Variants in P3H1 observed in about 807,000 individuals in gnomAD.
P3H1 encodes the protein prolyl 3-hydroxylase 1.
In P3H1, 69 loss-of-function variants were observed where a neutral mutation model predicts 84.0. That is an observed-to-expected ratio of 0.82 (90% CI 0.68 to 1.00). The LOEUF is 1.00. Among genes scored for constraint, P3H1 ranks in the 50% least tolerant of loss-of-function variants. The probability of loss-of-function intolerance (pLI) is 0.00; values close to 1 mark genes in which losing one functional copy is unlikely to be tolerated. For synonymous variants in P3H1, 366 were observed against 388.8 expected, an observed-to-expected ratio of 0.94 and a Z score of 0.69; for missense variants, 878 against 962.8, an observed-to-expected ratio of 0.91 and a Z score of 1.17.
At position 42,755,578 on chromosome 1, in the gene P3H1, A is replaced by G. The variant is rs756873466; in HGVS notation, c.1140T>C (p.Tyr380=). The G allele has an allele frequency of 1.9e-5, 31 of 1,613,958 alleles. No homozygotes were observed. Among genetic ancestry groups the G allele is most frequent in the Non-Finnish European group, 2.6e-5 (31 of 1,179,970 alleles). ...LLEKELLFFA[Y]DVFGIPFVDP... is the part of the protein sequence containing the mutation. Reference sequence around the variant, plus strand: ...CCACAAAGGGAATTCCAAAAACATCATAAGCGAAGAAAAGCAGTTCTTTTT... The same window carrying G: ...CCACAAAGGGAATTCCAAAAACATCGTAAGCGAAGAAAAGCAGTTCTTTTT... Residue 380 remains tyrosine (Y), a synonymous_variant, in exon 6 of 15, where the codon TAT becomes TAC. Transcript: ENST00000296388.
At position 42,748,054 on chromosome 1, in the gene P3H1, C is replaced by T. The variant is rs770463787; in HGVS notation, c.1838+146G>A. 1.9e-4 allele frequency: 135 copies of T among 697,160 alleles called. 1 individual carries two copies. Among genetic ancestry groups the T allele is most frequent in the Middle Eastern group, 1.4e-3 (4 of 2,790 alleles). 43.2% of individuals were successfully genotyped at this position (697,160 alleles called of 1,614,324 possible). On this transcript the variant is annotated intron_variant, in intron 12 of 14. Transcript: ENST00000296388. ...CCTCTTTGCCTATCTTCTTATCCAG[C>T]GGGTTTGGGGATAAAGGATTGGACT...
At chr1:42,758,236 A>C (rs1652508623) in intron 4 of P3H1, among the ~76,000 whole-genome samples, 1 of 152,204 alleles carries the variant, frequency 6.6e-6, no homozygotes, top group African/African-American at 2.4e-5. Context: ...AATACTCCTT[A>C]ATATTTTGCC....
intron 5 of P3H1, chr1:42,756,548 T>A (rs373158156): frequency 1.9e-4 from 29 of 154,022 alleles, no homozygotes; most frequent in African/African-American, 5.6e-4. Context: ...ATTAAAGGAG[T>A]CAATGAATCC....
chr1:42,748,117 G>A (rs1570455441), intron 12 of P3H1, 83 bp downstream of exon 12: 3 of 979,942 alleles, frequency 3.1e-6, no homozygotes, highest in Non-Finnish European at 4.8e-6. Flanking sequence ...GTGTGTGCTA[G>A]GGTGGGGTAG....
intron 1 of P3H1, among the ~76,000 whole-genome samples, chr1:42,763,430 G>T (rs1351681707): frequency 2.0e-5 from 3 of 151,980 alleles, no homozygotes; most frequent in African/African-American, 7.2e-5. Flanking sequence ...CCAGCACTTT[G>T]GGAGGCCGAA....
At chr1:42,747,928 T>C (rs1651822580) in intron 12 of P3H1, 130 bp from the exon 13 acceptor site, 2 of 890,222 alleles carry the variant, frequency 2.2e-6, no homozygotes, top group Non-Finnish European at 3.7e-6. Context: ...TAAGAACCTA[T>C]ACTGATGCCG....
intron 1 of P3H1, among the ~76,000 whole-genome samples, chr1:42,766,021 C>CACACA (rs1553144412): frequency 7.1e-6 from 1 of 141,240 alleles, no homozygotes; most frequent in African/African-American, 2.9e-5. Context: ...CCCCCCGCCC[C>CACACA]CACACACACA....
At chr1:42,765,085 G>C (rs933734741) in intron 1 of P3H1, among the ~76,000 whole-genome samples, 1 of 152,188 alleles carries the variant, frequency 6.6e-6, no homozygotes, top group Non-Finnish European at 1.5e-5. Context: ...ATCTGAGGAT[G>C]GCTCCCTGCA....
chr1:42,746,775 C>T lies in P3H1; in HGVS notation c.2133G>A (p.Leu711=), dbSNP rs1651736554. Reference sequence around the variant, plus strand: ...GTTCGGGGGGGCCCTGCTGGGCATCCAGGGGCTGCTCCTGGGAGAGGTCCA... The same window carrying T: ...GTTCGGGGGGGCCCTGCTGGGCATCTAGGGGCTGCTCCTGGGAGAGGTCCA... ...EEMDLSQEQP[L]DAQQGPPEPA... is the part of the protein sequence containing the mutation. The change falls in exon 15 of 15, where the codon CTG becomes CTA. Residue 711 remains leucine (L), a synonymous_variant. Transcript: ENST00000296388. The T allele has an allele frequency of 1.3e-6, 2 of 1,564,602 alleles. No individual in the cohort carries two copies. The highest frequency in any genetic ancestry group is 2.3e-5 in the South Asian group (2 of 85,542).
At position 42,748,295 on chromosome 1, in the gene P3H1, A is replaced by G. The variant is rs1200471584; in HGVS notation, c.1743T>C (p.Asp581=). The change falls in exon 12 of 15, where the codon GAT becomes GAC. Residue 581 remains aspartate (D), a synonymous_variant. Coordinates refer to ENST00000296388, the MANE Select transcript of P3H1 (RefSeq NM_022356.4). ...TGTCCACGTGGACTGGATGACTATC[A>G]TCCTTCCTCTCTGCCTGGACCTCTG... The part of the protein sequence containing the change: ...AIEEVQAERK[D]DSHPVHVDNC... 5 of 1,613,920 alleles carry G rather than the reference A, an allele frequency of 3.1e-6. No homozygotes were observed. Among genetic ancestry groups the G allele is most frequent in the Non-Finnish European group, 4.2e-6 (5 of 1,179,928 alleles).
At chr1:42,753,230 A>G (rs542912229) in intron 8 of P3H1, among the ~76,000 whole-genome samples, 216 of 152,356 alleles carry the variant, frequency 1.4e-3, no homozygotes, top group African/African-American at 4.9e-3. Flanking sequence ...TGCAATCTGC[A>G]TGACTCACCT....
intron 11 of P3H1, 77 bp downstream of exon 11, chr1:42,750,105 TTCTC>T (rs1651945308): frequency 4.6e-6 from 7 of 1,516,848 alleles, no homozygotes; most frequent in East Asian, 2.4e-5. Flanking sequence ...CCGCATCCTG[TTCTC>T]TCTGTGTCTT....
At chr1:42,766,423 C>T in intron 1 of P3H1, 84 bp downstream of exon 1, 16 of 1,267,932 alleles carry the variant, frequency 1.3e-5, no homozygotes, top group Non-Finnish European at 1.8e-5. Flanking sequence ...GGACACTTCC[C>T]CGATCCCCCA....
Position 42,767,020 on chromosome 1 carries a change from G to T in P3H1, c.-49C>A. The T allele has an allele frequency of 6.3e-7, 1 of 1,587,596 alleles. No homozygotes were observed. The highest frequency in any genetic ancestry group is 8.5e-7 in the Non-Finnish European group (1 of 1,171,800). ...CGCCAGCCACCCGCCACCAAGGCCG[G>T]AGTCCTACCCCCGGCGAAGGCCCGC... On this transcript the variant is annotated 5_prime_UTR_variant, in exon 1 of 15. Transcript: ENST00000296388.
At chr1:42,747,471 G>A in intron 13 of P3H1, 59 bp from the exon 14 acceptor site, 4 of 1,523,674 alleles carry the variant, frequency 2.6e-6, no homozygotes, top group Non-Finnish European at 3.6e-6. Flanking sequence ...TCCACTCTCA[G>A]AAGAGACATG....
chr1:42,751,963 T>C (rs1365667440), intron 10 of P3H1: 1 of 414,384 alleles, frequency 2.4e-6, no homozygotes, highest in East Asian at 5.4e-5. Flanking sequence ...TTCTTATCTC[T>C]CTTTATGAGC....
intron 10 of P3H1, among the ~76,000 whole-genome samples, chr1:42,750,798 G>A (rs1311996780): frequency 5.6e-5 from 8 of 142,766 alleles, no homozygotes; most frequent in Non-Finnish European, 1.1e-4. Flanking sequence ...CCGGCCAGCC[G>A]CCCCGTCCGG....
At chr1:42,763,179 AAAG>A (rs1451869635) in intron 1 of P3H1, among the ~76,000 whole-genome samples, 1 of 152,200 alleles carries the variant, frequency 6.6e-6, no homozygotes, top group African/African-American at 2.4e-5. Flanking sequence ...GGTAGAGAAA[AAAG>A]AGCAGCTAAC....
intron 5 of P3H1, among the ~76,000 whole-genome samples, chr1:42,757,390 A>G (rs1321894291): frequency 6.6e-6 from 1 of 152,206 alleles, no homozygotes; most frequent in African/African-American, 2.4e-5. Flanking sequence ...AGAGATGGGA[A>G]AGAAAATGGA....
Sources: allele counts gnomAD v4.1 joint callset (sites outside exome capture counted in the v4.1 genomes callset), GRCh38; gene constraint gnomAD v4.1.1; transcripts MANE v1.5; gene names NCBI Gene and HGNC (gene_info 2026-07-23, HGNC 2026-07-21).